Variants in ANKFN1 observed in about 807,000 individuals in gnomAD.
ANKFN1 encodes the protein ankyrin repeat and fibronectin type-III domain-containing protein 1.
In ANKFN1, 74 loss-of-function variants were observed where a neutral mutation model predicts 108.7. The observed-to-expected ratio is 0.68, with a 90% confidence interval of 0.56 to 0.83. ANKFN1 has a LOEUF of 0.83. Among genes scored for constraint, ANKFN1 ranks in the 40% least tolerant of loss-of-function variants. The probability of loss-of-function intolerance (pLI) is 0.00; values close to 1 mark genes in which losing one functional copy is unlikely to be tolerated. For synonymous variants in ANKFN1, 547 were observed against 516.2 expected, an observed-to-expected ratio of 1.06 and a Z score of -0.81; for missense variants, 1,505 against 1,382.3, an observed-to-expected ratio of 1.09 and a Z score of -1.41.
chr17:56,125,895 A>T (rs1906898004), intron 4 of ANKFN1, among the ~76,000 whole-genome samples: 2 of 152,234 alleles, frequency 1.3e-5, no homozygotes, highest in South Asian at 4.1e-4. Context: ...ATGGTGCCAG[A>T]CAAGGCTGGG....
chr17:56,242,674 A>G (rs147860394), intron 3 of ANKFN1, among the ~76,000 whole-genome samples: 7 of 152,086 alleles, frequency 4.6e-5, no homozygotes, highest in African/African-American at 1.7e-4. Flanking sequence ...TGTTGGTTTT[A>G]TTGCATTGCC....
At chr17:56,073,755 G>A (rs1010682130) in intron 4 of ANKFN1, among the ~76,000 whole-genome samples, 2 of 152,164 alleles carry the variant, frequency 1.3e-5, no homozygotes, top group Non-Finnish European at 1.5e-5. Context: ...TATGTGAACA[G>A]AATCATACAA....
intron 3 of ANKFN1, among the ~76,000 whole-genome samples, chr17:56,307,105 A>G (rs1402825874): frequency 6.6e-6 from 1 of 152,216 alleles, no homozygotes; most frequent in Non-Finnish European, 1.5e-5. Context: ...TAAATGTTAG[A>G]CCTAAAACCA....
rs181636407 is a variant in ANKFN1, at chr17:56,283,414, C to T, written c.54-42807C>T. The stretch of plus-strand genomic sequence containing the variant: ...ACCCAGAGGAAAAGAAGTCATTATA[C>T]GAAAAAGATAACTTGCACACATATG... On this transcript the variant is annotated intron_variant, in intron 3 of 20. Transcript: ENST00000682825. Among the ~76,000 whole-genome samples the T allele has an allele frequency of 5.1e-4, 78 of 151,872 alleles. 2 individuals carry two copies. The highest frequency in any genetic ancestry group is 3.7e-3 in the Admixed American group (56 of 15,250).
chr17:56,266,412 C>T (rs2043652925), intron 3 of ANKFN1, among the ~76,000 whole-genome samples: 1 of 152,136 alleles, frequency 6.6e-6, no homozygotes, highest in Admixed American at 6.5e-5. Flanking sequence ...TACCTACATA[C>T]CTTTCATTCA....
intron 11 of ANKFN1, among the ~76,000 whole-genome samples, chr17:56,452,915 C>T (rs2049541983): frequency 6.6e-6 from 1 of 152,154 alleles, no homozygotes; most frequent in African/African-American, 2.4e-5. Context: ...CTAAATGGCT[C>T]TGTGCTTCAT....
At chr17:56,182,467 C>G (rs915855129) in intron 1 of ANKFN1, among the ~76,000 whole-genome samples, 2 of 152,122 alleles carry the variant, frequency 1.3e-5, no homozygotes, top group African/African-American at 4.8e-5. Flanking sequence ...CAACATTTCC[C>G]AAAGACAAAA....
chr17:56,125,908 G>T (rs2143318745), intron 4 of ANKFN1, among the ~76,000 whole-genome samples: 1 of 152,338 alleles, frequency 6.6e-6, no homozygotes, highest in African/African-American at 2.4e-5. Flanking sequence ...AGGCTGGGAA[G>T]GTGGTCTGGG....
intron 20 of ANKFN1, among the ~76,000 whole-genome samples, chr17:56,504,113 A>G (rs1259016644): frequency 6.6e-6 from 1 of 152,206 alleles, no homozygotes; most frequent in Admixed American, 6.5e-5. Flanking sequence ...GGGGTATCCC[A>G]CTCTAAGCAA....
chr17:56,333,825 A>G (rs9909171), intron 4 of ANKFN1, among the ~76,000 whole-genome samples: 5,003 of 152,220 alleles, frequency 0.033, 108 homozygotes, highest in Non-Finnish European at 0.046. Context: ...GAAAAAGAAA[A>G]TGTAAAACTA....
chr17:56,309,317 G>A (rs538580421), intron 3 of ANKFN1, among the ~76,000 whole-genome samples: 79 of 151,972 alleles, frequency 5.2e-4, no homozygotes, highest in Non-Finnish European at 9.4e-4. Context: ...TTTCATTACA[G>A]GTATCAAATT....
rs1057166935 is a variant in ANKFN1, at chr17:56,513,102, T to C, written c.*1833T>C. On this transcript the variant is annotated 3_prime_UTR_variant, in exon 21 of 21. Coordinates refer to ENST00000682825, the MANE Select transcript of ANKFN1 (RefSeq NM_001370326.1). ...GACCCAGAGAGGTTAAGTAACATGC[T>C]CAAGGTCACGGAGCTGGTTTAGTCT... 1.3e-5 allele frequency among the ~76,000 whole-genome samples: 2 copies of C among 152,230 alleles called. No homozygotes were observed. Among genetic ancestry groups the C allele is most frequent in the South Asian group, 2.1e-4 (1 of 4,830 alleles).
chr17:56,391,212 C>CATATATATATGTAT (rs2047415478), intron 8 of ANKFN1, among the ~76,000 whole-genome samples: 5 of 121,412 alleles, frequency 4.1e-5, no homozygotes, highest in African/African-American at 2.0e-4. Flanking sequence ...CCCAAGAATA[C>CATATATATATGTAT]ATATATATAT....
chr17:56,201,558 T>C (rs921033829), intron 1 of ANKFN1, among the ~76,000 whole-genome samples: 1 of 152,170 alleles, frequency 6.6e-6, no homozygotes, highest in East Asian at 1.9e-4. Flanking sequence ...CCTTAATAAA[T>C]ACTTATTGAT....
At chr17:56,365,799 C>A (rs1419531426) in intron 6 of ANKFN1, among the ~76,000 whole-genome samples, 1 of 152,162 alleles carries the variant, frequency 6.6e-6, no homozygotes, top group Non-Finnish European at 1.5e-5. Context: ...TGCTGCCAGT[C>A]ATATAAAAGT....
chr17:56,500,418 T>C (rs1225312100), intron 20 of ANKFN1, among the ~76,000 whole-genome samples: 1 of 152,214 alleles, frequency 6.6e-6, no homozygotes, highest in African/African-American at 2.4e-5. Context: ...TAAGTAGAGT[T>C]TCTAGAGTGC....
Position 56,434,707 on chromosome 17 carries a change from G to A in ANKFN1, c.911-5620G>A, listed in dbSNP as rs544798072. Among the ~76,000 whole-genome samples the A allele has an allele frequency of 8.9e-4, 135 of 152,240 alleles. 1 individual carries two copies. The highest frequency in any genetic ancestry group is 1.5e-3 in the Non-Finnish European group (104 of 68,030). Reference sequence around the variant, plus strand: ...ACCCACAAGTGTTGAGCGGGTTCATGCTGCAGCAAGACACATCTTCTCATC... The same window carrying A: ...ACCCACAAGTGTTGAGCGGGTTCATACTGCAGCAAGACACATCTTCTCATC... On this transcript the variant is annotated intron_variant, in intron 8 of 20. Transcript: ENST00000682825.
chr17:56,069,270 G>T (rs1027706308), intron 4 of ANKFN1, among the ~76,000 whole-genome samples: 2 of 152,210 alleles, frequency 1.3e-5, no homozygotes, highest in Non-Finnish European at 1.5e-5. Flanking sequence ...GTGGCAAGAA[G>T]AGAGAGACCA....
At chr17:56,419,480 T>C (rs2048335164) in intron 8 of ANKFN1, among the ~76,000 whole-genome samples, 1 of 137,770 alleles carries the variant, frequency 7.3e-6, no homozygotes, top group Non-Finnish European at 1.5e-5. Context: ...TGAAACTCCA[T>C]CTCAAAAAAA....
Sources: gnomAD v4.1 joint callset for allele counts (sites outside exome capture counted in the v4.1 genomes callset) on GRCh38, gnomAD v4.1.1 for gene constraint, MANE v1.5 for transcripts, NCBI Gene and HGNC (gene_info 2026-07-23, HGNC 2026-07-21) for gene names.